The following SV2B variants were observed in gnomAD, a reference collection of about 807,000 sequenced individuals.
SV2B encodes solute carrier family 22 member B2.
SV2B carries 41 observed loss-of-function variants against 73.9 expected under a neutral mutation model. The ratio of observed to expected loss-of-function variants is 0.56; its 90% CI spans 0.43 to 0.72. The LOEUF is 0.72. Among genes scored for constraint, SV2B ranks in the 30% least tolerant of loss-of-function variants. The pLI is 0.00. For synonymous variants in SV2B, 314 were observed against 314.2 expected (o/e 1.00, Z 0.01); for missense variants, 764 against 857.8 (o/e 0.89, Z 1.37).
intron 5 of SV2B, among the ~76,000 whole-genome samples, chr15:91,259,266 C>T (rs2047819662): frequency 6.6e-6 from 1 of 152,236 alleles, no homozygotes; most frequent in East Asian, 1.9e-4. Flanking sequence ...GCATCTGTGT[C>T]CTGAGAAATG....
At chr15:91,158,018 C>T (rs1259170905) in intron 1 of SV2B, among the ~76,000 whole-genome samples, 2 of 152,176 alleles carry the variant, frequency 1.3e-5, no homozygotes, top group Non-Finnish European at 2.9e-5. Flanking sequence ...TTTGTTCTGA[C>T]CTCTGTATGT....
chr15:91,260,704 C>A (rs2047879431), intron 6 of SV2B, among the ~76,000 whole-genome samples: 1 of 152,014 alleles, frequency 6.6e-6, no homozygotes, highest in South Asian at 2.1e-4. Context: ...AAAGACATAC[C>A]CGAGACTGGG....
In SV2B at chr15:91,289,552, C is replaced by T; in HGVS notation, c.1740C>T (p.Cys580=). 2 of 1,614,234 alleles carry T rather than the reference C, an allele frequency of 1.2e-6. No individual in the cohort carries two copies. The highest frequency in any genetic ancestry group is 1.1e-5 in the South Asian group (1 of 91,086). ...GGSMLISAVC[C]FFLFFGNSES... is the part of the protein sequence containing the mutation. ...CCATGCTAATCTCTGCAGTCTGCTG[C>T]TTCTTCCTGTTTTTTGGCAACAGTG... The change falls in exon 12 of 13, where the codon TGC becomes TGT. Residue 580 remains cysteine (C), a synonymous_variant. Coordinates refer to ENST00000394232, the MANE Select transcript of SV2B (RefSeq NM_001323032.3). This position sits in a 1 kb window ranked among gnomAD's most constrained non-coding sequence, Gnocchi z 4.9.
At chr15:91,199,472 G>T (rs2045384100) in intron 1 of SV2B, among the ~76,000 whole-genome samples, 1 of 152,234 alleles carries the variant, frequency 6.6e-6, no homozygotes, top group Non-Finnish European at 1.5e-5. Flanking sequence ...CCTGGAGTGG[G>T]AGAGAATGGG....
intron 1 of SV2B, among the ~76,000 whole-genome samples, chr15:91,191,432 A>G (rs895084472): frequency 1.3e-5 from 2 of 151,908 alleles, no homozygotes; most frequent in African/African-American, 4.8e-5. Flanking sequence ...CCACCTTCAT[A>G]TCGAAGTACT....
intron 1 of SV2B, among the ~76,000 whole-genome samples, chr15:91,103,826 T>C (rs975204962): frequency 6.6e-6 from 1 of 152,166 alleles, no homozygotes; most frequent in Non-Finnish European, 1.5e-5. Flanking sequence ...TCTGTGAATT[T>C]CCCCCATCCA....
At position 91,258,271 on chromosome 15, in the gene SV2B, C is replaced by T. The variant is rs1327721680; in HGVS notation, c.785-150C>T. ...TCCCAGGCTTATGACTCAGAAGCTT[C>T]GGAGGCACAGCTGAGGAGTCTGCAT... is the stretch of plus-strand genomic sequence containing the variant. On this transcript the variant is annotated intron_variant, in intron 4 of 12. Coordinates refer to ENST00000394232, the MANE Select transcript of SV2B (RefSeq NM_001323032.3). The surrounding 1 kb of genome is among the most constrained non-coding windows in gnomAD (Gnocchi z 4.7). The T allele has an allele frequency of 6.8e-6, 7 of 1,033,020 alleles. No individual in the cohort carries two copies. Among genetic ancestry groups the T allele is most frequent in the Non-Finnish European group, 9.4e-6 (7 of 745,916 alleles). 64.0% of individuals were successfully genotyped at this position (1,033,020 alleles called of 1,614,324 possible). A position where few individuals can be genotyped will look rare whatever the true frequency, so the allele number is the denominator to read the frequency against.
intron 9 of SV2B, among the ~76,000 whole-genome samples, chr15:91,275,794 C>A (rs1486838460): frequency 6.6e-6 from 1 of 152,132 alleles, no homozygotes; most frequent in Non-Finnish European, 1.5e-5. Context: ...CCACTGCACT[C>A]CAGCCTGGGT....
At chr15:91,103,993 A>G (rs2041809763) in intron 1 of SV2B, among the ~76,000 whole-genome samples, 1 of 152,212 alleles carries the variant, frequency 6.6e-6, no homozygotes. Context: ...GACCCCTGTC[A>G]TAACAGCCAA....
rs1191728313 is a variant in SV2B, at chr15:91,268,119, G to A, written c.1209-322G>A. Among the ~76,000 whole-genome samples the A allele has an allele frequency of 1.3e-5, 2 of 152,150 alleles. No individual in the cohort carries two copies. The highest frequency in any genetic ancestry group is 4.8e-5 in the African/African-American group (2 of 41,426). On this transcript the variant is annotated intron_variant, in intron 8 of 12. Coordinates refer to ENST00000394232, the MANE Select transcript of SV2B (RefSeq NM_001323032.3). The surrounding 1 kb of genome is among the most constrained non-coding windows in gnomAD (Gnocchi z 4.4). ...CATCCAGCCAGTGGGGATGTCTTTA[G>A]TGTTTCCCTATTCACTAAGATTCTG...
intron 9 of SV2B, among the ~76,000 whole-genome samples, chr15:91,277,753 G>A (rs1292539634): frequency 6.6e-6 from 1 of 152,168 alleles, no homozygotes; most frequent in African/African-American, 2.4e-5. Context: ...GGCTAAATTA[G>A]TGTTTGACTT....
intron 1 of SV2B, among the ~76,000 whole-genome samples, chr15:91,163,746 G>T (rs1442144628): frequency 6.6e-6 from 1 of 152,150 alleles, no homozygotes; most frequent in Admixed American, 6.5e-5. Flanking sequence ...TTCTTTTGCT[G>T]TGCAGAAGCT....
In SV2B at chr15:91,197,981, A is replaced by T. The variant is rs2045312472; in HGVS notation, c.-391-27892A>T. Among the ~76,000 whole-genome samples, 1 of 152,168 alleles carries T rather than the reference A, an allele frequency of 6.6e-6. No homozygotes were observed. The highest frequency in any genetic ancestry group is 6.5e-5 in the Admixed American group (1 of 15,282). ...CCTGGGAGGCTGGAGGTTACAGTGA[A>T]CCGAGATCGTGCCATTACACTACAG... On this transcript the variant is annotated intron_variant, in intron 1 of 12. Coordinates refer to ENST00000394232, the MANE Select transcript of SV2B (RefSeq NM_001323032.3). This position sits in a 1 kb window ranked among gnomAD's most constrained non-coding sequence, Gnocchi z 4.9.
chr15:91,222,642 G>T (rs1242209492), intron 1 of SV2B, among the ~76,000 whole-genome samples: 2 of 152,290 alleles, frequency 1.3e-5, no homozygotes, highest in East Asian at 3.9e-4. Context: ...TATCTTCTTG[G>T]CGTCTTAGTT....
Position 91,294,873 on chromosome 15 carries a change from C to T in SV2B, c.*2321C>T, listed in dbSNP as rs987408047. ...CCACCTAGCCAATCAAGGGCAATTC[C>T]CATCTCATCCATCACTCAGGTCTTT... On this transcript the variant is annotated 3_prime_UTR_variant, in exon 13 of 13. Transcript: ENST00000394232. The surrounding 1 kb of genome is among the most constrained non-coding windows in gnomAD (Gnocchi z 4.1). 5.2e-5 allele frequency: 8 copies of T among 152,556 alleles called. No homozygotes were observed. Among genetic ancestry groups the T allele is most frequent in the Admixed American group, 3.9e-4 (6 of 15,276 alleles). 9.5% of individuals were successfully genotyped at this position (152,556 alleles called of 1,614,324 possible). A position where few individuals can be genotyped will look rare whatever the true frequency, so the allele number is the denominator to read the frequency against.
chr15:91,164,476 C>T (rs958693356), intron 1 of SV2B, among the ~76,000 whole-genome samples: 8 of 152,122 alleles, frequency 5.3e-5, no homozygotes, highest in African/African-American at 1.9e-4. Flanking sequence ...CTGTGAATTC[C>T]TCTGTCTCTG....
intron 1 of SV2B, among the ~76,000 whole-genome samples, chr15:91,215,074 C>T (rs1186227466): frequency 6.6e-6 from 1 of 152,182 alleles, no homozygotes; most frequent in Non-Finnish European, 1.5e-5. Context: ...CAGGTTCTGT[C>T]TCCTCTTGGA....
rs773709916 is a variant in SV2B, at chr15:91,242,858, T to C, written c.452-8961T>C. On this transcript the variant is annotated intron_variant, in intron 2 of 12. Coordinates refer to ENST00000394232, the MANE Select transcript of SV2B (RefSeq NM_001323032.3). The surrounding 1 kb of genome is among the most constrained non-coding windows in gnomAD (Gnocchi z 4.9). ...GGTGAAACTACTGTTTGGCTAGTAG[T>C]GTTTTAAAACTCAGAGATTTTATTT... 1.1e-4 allele frequency among the ~76,000 whole-genome samples: 16 copies of C among 152,240 alleles called. No individual in the cohort carries two copies. Among genetic ancestry groups the C allele is most frequent in the Non-Finnish European group, 2.4e-4 (16 of 68,048 alleles).
Position 91,177,731 on chromosome 15 carries a change from T to C in SV2B, c.-391-48142T>C, listed in dbSNP as rs1219268072. Among the ~76,000 whole-genome samples, 15 of 122,182 alleles carry C rather than the reference T, an allele frequency of 1.2e-4. 1 individual carries two copies. The East Asian group carries it at 2.7e-3, about 22-fold the overall frequency. The allele number at this position is 122,182 out of a possible 152,430, so 80.2% of individuals were successfully genotyped here. A position where few individuals can be genotyped will look rare whatever the true frequency, so the allele number is the denominator to read the frequency against. Reference sequence around the variant, plus strand: ...TGTATAAGAATGCTTGTGATTTTTGTACATTGATTTTGTATCCTGAGACTT... The same window carrying C: ...TGTATAAGAATGCTTGTGATTTTTGCACATTGATTTTGTATCCTGAGACTT... On this transcript the variant is annotated intron_variant, in intron 1 of 12. Transcript: ENST00000394232.
Sources: allele counts gnomAD v4.1 joint callset (sites outside exome capture counted in the v4.1 genomes callset), GRCh38; gene constraint gnomAD v4.1.1; non-coding constraint Gnocchi (gnomAD v3.1); transcripts MANE v1.5; gene names NCBI Gene and HGNC (gene_info 2026-07-23, HGNC 2026-07-21).